The following SEC14L1 variants were observed in gnomAD, a reference collection of about 807,000 sequenced individuals.
SEC14L1 encodes SEC14 like lipid binding 1, also known as SEC14-like protein 1.
SEC14L1 carries 48 observed loss-of-function variants against 85.3 expected under a neutral mutation model. The ratio of observed to expected loss-of-function variants is 0.56; its 90% CI spans 0.45 to 0.72. The LOEUF is 0.72. Ranked by LOEUF, SEC14L1 falls within the 30% of genes least tolerant of loss-of-function variation. The pLI, the probability that SEC14L1 is intolerant of heterozygous loss-of-function variation, is 0.00. For missense variants in SEC14L1, 682 were observed against 921.4 expected (o/e 0.74, Z 3.36); for synonymous variants, 391 against 355.5 (o/e 1.10, Z -1.12).
At position 77,135,163 on chromosome 17, in the gene SEC14L1, A is replaced by G. The variant is rs542790061; in HGVS notation, c.-135-7483A>G. 2.6e-5 allele frequency among the ~76,000 whole-genome samples: 4 copies of G among 152,276 alleles called. No individual in the cohort carries two copies. The East Asian group carries it at 7.7e-4, about 29-fold the overall frequency. ...ATACCACTTGACACTGTTGGGGAGC[A>G]GGGCATCACTTCTCTCTCCTGGTTC... On this transcript the variant is annotated intron_variant, in intron 3 of 19. Coordinates refer to the SEC14L1 transcript ENST00000392476.
intron 3 of SEC14L1, among the ~76,000 whole-genome samples, chr17:77,154,645 TTGG>T: frequency 6.6e-6 from 1 of 151,230 alleles, no homozygotes; most frequent in Non-Finnish European, 1.5e-5. Flanking sequence ...TTGTTTTTTT[TTGG>T]TTTTTTTTTA....
intron 3 of SEC14L1, among the ~76,000 whole-genome samples, chr17:77,169,087 G>A (rs901012581): frequency 7.3e-6 from 1 of 137,770 alleles, no homozygotes. Context: ...GAAAGGGCCA[G>A]TTGGACTAGG....
chr17:77,191,160 C>T, intron 4 of SEC14L1, 21 bp from the exon 5 acceptor site: 1 of 1,605,272 alleles, frequency 6.2e-7, no homozygotes. Flanking sequence ...AAACCCATTT[C>T]TCTTTCTTTT....
intron 3 of SEC14L1, among the ~76,000 whole-genome samples, chr17:77,172,155 G>A (rs1228004596): frequency 6.6e-6 from 1 of 152,058 alleles, no homozygotes; most frequent in Non-Finnish European, 1.5e-5. Flanking sequence ...AAACTGAGGA[G>A]CGAGCAGCTC....
chr17:77,109,977 C>T (rs1972011558), intron 3 of SEC14L1, among the ~76,000 whole-genome samples: 1 of 152,154 alleles, frequency 6.6e-6, no homozygotes, highest in Non-Finnish European at 1.5e-5. Flanking sequence ...CCACTGGACT[C>T]CCCCATGCTT....
chr17:77,214,608 C>T lies in SEC14L1; in HGVS notation c.*585C>T, dbSNP rs1976946856. ...CTTGTCCCAGGGCCAGACACACCCA[C>T]ACCACCCACTGTCCTGCAGTGGGGC... On this transcript the variant is annotated 3_prime_UTR_variant, in exon 17 of 17. Coordinates refer to ENST00000436233, the MANE Select transcript of SEC14L1 (RefSeq NM_001143998.2). 1 of 987,096 alleles carries T rather than the reference C, an allele frequency of 1.0e-6. No homozygotes were observed. The highest frequency in any genetic ancestry group is 1.7e-5 in the African/African-American group (1 of 57,390). The allele number at this position is 987,096 out of a possible 1,614,324, so 61.1% of individuals were successfully genotyped here. A position where few individuals can be genotyped will look rare whatever the true frequency, so the allele number is the denominator to read the frequency against.
At chr17:77,125,955 C>T (rs1015966982) in intron 3 of SEC14L1, among the ~76,000 whole-genome samples, 2 of 152,170 alleles carry the variant, frequency 1.3e-5, no homozygotes, top group Non-Finnish European at 2.9e-5. Flanking sequence ...AGTTTGAGAC[C>T]ATCCTGGCCA....
intron 14 of SEC14L1, chr17:77,210,799 C>T (rs955717181): frequency 6.6e-6 from 1 of 152,228 alleles, no homozygotes; most frequent in Admixed American, 6.5e-5. Context: ...GTTTCAAGAA[C>T]TTGGGGTGCA....
At chr17:77,200,768 C>T in intron 9 of SEC14L1, 95 bp downstream of exon 9, 14 of 1,209,078 alleles carry the variant, frequency 1.2e-5, no homozygotes, top group Non-Finnish European at 1.6e-5. Flanking sequence ...TGAGTGGGGC[C>T]CCCTTGAGTG....
intron 3 of SEC14L1, among the ~76,000 whole-genome samples, chr17:77,104,748 G>A (rs1392575294): frequency 1.9e-4 from 27 of 145,892 alleles, no homozygotes; most frequent in African/African-American, 4.9e-4. Flanking sequence ...CCGAGATTGC[G>A]CCACTGCACT....
intron 3 of SEC14L1, among the ~76,000 whole-genome samples, chr17:77,154,183 C>A (rs370835581): frequency 6.6e-6 from 1 of 152,080 alleles, no homozygotes; most frequent in African/African-American, 2.4e-5. Flanking sequence ...TTAAAGTGTA[C>A]GGGAGGGCTG....
rs548807830 is a variant in SEC14L1 at position 77,157,648 on chromosome 17, C to G, written c.63+13989C>G. Among the ~76,000 whole-genome samples, 462 of 152,152 alleles carry G rather than the reference C, an allele frequency of 3.0e-3. 2 individuals are homozygous for G. The highest frequency in any genetic ancestry group is 0.01 in the African/African-American group (434 of 41,486). ...GTTCAAGCGATTCTTCTGCCTCAGC[C>G]TCCTGAGTAGCTGGGATTACAGGCA... On this transcript the variant is annotated intron_variant, in intron 3 of 16. Transcript: ENST00000436233.
At chr17:77,125,285 C>T (rs1459240084) in intron 3 of SEC14L1, among the ~76,000 whole-genome samples, 1 of 152,008 alleles carries the variant, frequency 6.6e-6, no homozygotes, top group Non-Finnish European at 1.5e-5. Context: ...GCATGAGCCA[C>T]CTTGCCCGGA....
chr17:77,115,106 C>T (rs1972142908), intron 3 of SEC14L1, among the ~76,000 whole-genome samples: 1 of 152,074 alleles, frequency 6.6e-6, no homozygotes, highest in African/African-American at 2.4e-5. Context: ...AACTTGCAGC[C>T]CCTGCATCTG....
rs1290224211 is a variant in SEC14L1 at position 77,215,334 on chromosome 17, G to A, written c.*1311G>A. 9.1e-6 allele frequency: 9 copies of A among 985,268 alleles called. No homozygotes were observed. The highest frequency in any genetic ancestry group is 9.4e-5 in the South Asian group (2 of 21,300). 61.0% of individuals were successfully genotyped at this position (985,268 alleles called of 1,614,324 possible). A position where few individuals can be genotyped will look rare whatever the true frequency, so the allele number is the denominator to read the frequency against. On this transcript the variant is annotated 3_prime_UTR_variant, in exon 17 of 17. Coordinates refer to ENST00000436233, the MANE Select transcript of SEC14L1 (RefSeq NM_001143998.2). ...AAGTTGCATAGGGGATGGCCTCCAC[G>A]ATAAGGACATGCAACACGTGTTTCT...
intron 3 of SEC14L1, among the ~76,000 whole-genome samples, chr17:77,126,956 C>CTTT (rs113666986): frequency 2.7e-5 from 4 of 149,846 alleles, no homozygotes; most frequent in Non-Finnish European, 4.4e-5. Flanking sequence ...ACAGGGATTT[C>CTTT]TTTTTTTTCT....
chr17:77,104,387 C>T (rs1212573264), intron 3 of SEC14L1, among the ~76,000 whole-genome samples: 1 of 147,424 alleles, frequency 6.8e-6, no homozygotes. Flanking sequence ...TCCCAAAGTG[C>T]TGGGATTACA....
At chr17:77,096,802 C>T (rs1971659189) in intron 3 of SEC14L1, among the ~76,000 whole-genome samples, 1 of 151,448 alleles carries the variant, frequency 6.6e-6, no homozygotes, top group Non-Finnish European at 1.5e-5. Flanking sequence ...TAACTTGGTA[C>T]AGAGTTTGGA....
At chr17:77,104,969 A>G (rs1021536371) in intron 3 of SEC14L1, among the ~76,000 whole-genome samples, 2 of 151,940 alleles carry the variant, frequency 1.3e-5, no homozygotes, top group African/African-American at 4.8e-5. Flanking sequence ...GTTAAGAAGT[A>G]CATTGGTTCG....
Sources: allele counts gnomAD v4.1 joint callset (sites outside exome capture counted in the v4.1 genomes callset), GRCh38; gene constraint gnomAD v4.1.1; transcripts MANE v1.5; gene names NCBI Gene and HGNC (gene_info 2026-07-23, HGNC 2026-07-21).